Variants in RNF123 observed in about 807,000 individuals in gnomAD.
The protein encoded by RNF123 is ring finger protein 123.
Under a neutral mutation model 168.5 loss-of-function variants are expected in RNF123, and 86 were observed. The ratio of observed to expected loss-of-function variants is 0.51; its 90% CI spans 0.43 to 0.61. The LOEUF (loss-of-function observed/expected upper bound fraction) is 0.61, where lower values mean the gene tolerates loss of function less well. RNF123 is among the 20% of genes least tolerant of loss of function. The probability of loss-of-function intolerance (pLI) is 0.00; values close to 1 mark genes in which losing one functional copy is unlikely to be tolerated. For missense variants in RNF123, 1,419 were observed against 1,729.7 expected (o/e 0.82, Z 3.19); for synonymous variants, 666 against 689.1 (o/e 0.97, Z 0.52).
intron 12 of RNF123, 86 bp from the exon 13 acceptor site, chr3:49,700,141 G>C: frequency 6.4e-7 from 1 of 1,573,246 alleles, no homozygotes. Flanking sequence ...TGTGCCTGAG[G>C]CTTGTGCCTT....
intron 35 of RNF123, chr3:49,719,286 A>T: frequency 2.5e-6 from 4 of 1,613,234 alleles, no homozygotes; most frequent in Non-Finnish European, 3.4e-6. Context: ...CAGTAGCGGC[A>T]GGTAACTCGG....
intron 8 of RNF123, 22 bp from the exon 9 acceptor site, chr3:49,698,733 G>A: frequency 6.2e-7 from 1 of 1,611,852 alleles, no homozygotes; most frequent in South Asian, 1.1e-5. Flanking sequence ...TGTGCATCTG[G>A]TGAGGCCTCC....
In RNF123 at chr3:49,698,337, G is replaced by C. The variant is rs1232044761; in HGVS notation, c.484-103G>C. 3.8e-6 allele frequency: 4 copies of C among 1,055,774 alleles called. No homozygotes were observed. In the East Asian group the frequency reaches 7.1e-5, roughly 19 times the overall value. 65.4% of individuals were successfully genotyped at this position (1,055,774 alleles called of 1,614,324 possible). A position where few individuals can be genotyped will look rare whatever the true frequency, so the allele number is the denominator to read the frequency against. On this transcript the variant is annotated intron_variant, in intron 7 of 38. Coordinates refer to ENST00000327697, the MANE Select transcript of RNF123 (RefSeq NM_022064.5). ...TCTTACTCTTTCCCTCAGATCATCT[G>C]TTCCCTTCTGTAGAGCCATATGCAT...
At chr3:49,709,023 A>C (rs1359529165) in intron 26 of RNF123, among the ~76,000 whole-genome samples, 2 of 152,094 alleles carry the variant, frequency 1.3e-5, no homozygotes, top group East Asian at 1.9e-4. Flanking sequence ...GCTGGAGTGC[A>C]ATGGTGCGAT....
intron 26 of RNF123, among the ~76,000 whole-genome samples, chr3:49,709,589 C>G (rs539434473): frequency 6.6e-6 from 1 of 152,092 alleles, no homozygotes; most frequent in Non-Finnish European, 1.5e-5. Context: ...CGTGAGCCAC[C>G]GCGCCTGGCC....
chr3:49,719,041 TTGAACAGAAGCAGCTTCTCCAG>T, intron 35 of RNF123: 1 of 1,613,860 alleles, frequency 6.2e-7, no homozygotes, highest in Non-Finnish European at 8.5e-7. Flanking sequence ...CAAGCGGTTA[TTGAACAGAAGCAGCTTCTCCAG>T]CGCCCCCAGC....
At chr3:49,713,863 G>GCACCATGCCCAGCCT in intron 29 of RNF123, 38 bp downstream of exon 29, 2 of 1,613,138 alleles carry the variant, frequency 1.2e-6, no homozygotes, top group South Asian at 2.2e-5. Context: ...CTGGCCACAA[G>GCACCATGCCCAGCCT]CACCATGCCC....
At chr3:49,702,442 G>A (rs183025105) in intron 19 of RNF123, 37 bp downstream of exon 19, 38 of 1,609,504 alleles carry the variant, frequency 2.4e-5, no homozygotes, top group East Asian at 4.5e-5. Context: ...GTGGATCCCC[G>A]GCTGCACTAC....
At chr3:49,710,349 GGC>G (rs1405005627) in intron 26 of RNF123, among the ~76,000 whole-genome samples, 1 of 152,052 alleles carries the variant, frequency 6.6e-6, no homozygotes, top group Non-Finnish European at 1.5e-5. Context: ...GCAAGATTTT[GGC>G]TCACTGCAAC....
chr3:49,696,349 C>CTT (rs751323081), intron 3 of RNF123, among the ~76,000 whole-genome samples: 5 of 138,064 alleles, frequency 3.6e-5, no homozygotes, highest in Non-Finnish European at 3.2e-5. Flanking sequence ...GAGAGGGCTA[C>CTT]TTTTTTTTTT....
Position 49,714,073 on chromosome 3 carries a change from G to A in RNF123, c.2926-17G>A. The A allele has an allele frequency of 6.2e-7, 1 of 1,613,992 alleles. No homozygotes were observed. The highest frequency in any genetic ancestry group is 8.5e-7 in the Non-Finnish European group (1 of 1,179,986). ...GCGCTGTCCCATTGACCTGGGCACT[G>A]ACCCCCACCTCCACAGGGCTGTGGC... On this transcript the variant is annotated splice_polypyrimidine_tract_variant and intron_variant, in intron 30 of 38. Coordinates refer to ENST00000327697, the MANE Select transcript of RNF123 (RefSeq NM_022064.5).
intron 31 of RNF123, 164 bp from the exon 32 acceptor site, chr3:49,715,411 C>G (rs912981218): frequency 4.9e-6 from 4 of 819,742 alleles, no homozygotes; most frequent in African/African-American, 3.4e-5. Flanking sequence ...TCCCAACTAA[C>G]TCCAAGGCAG....
In RNF123 at chr3:49,704,613, AC is replaced by A. The variant is rs763344653; in HGVS notation, c.1853-35del. On this transcript the variant is annotated intron_variant, in intron 21 of 38. Coordinates refer to ENST00000327697, the MANE Select transcript of RNF123 (RefSeq NM_022064.5). ...CACTTCCACTGTGGCCCCTTGCGCC[AC>A]CACTGGCCTGAGAACCCTCCTGCTC... 9 of 1,563,778 alleles carry A rather than the reference AC, an allele frequency of 5.8e-6. No homozygotes were observed. In the African/African-American group the frequency reaches 1.2e-4, roughly 21 times the overall value.
Position 49,704,654 on chromosome 3 carries a change from C to T in RNF123, c.1857C>T (p.Asp619=), listed in dbSNP as rs1427999230. 2.5e-6 allele frequency: 4 copies of T among 1,609,088 alleles called. No homozygotes were observed. The African/African-American group carries it at 5.3e-5, about 21-fold the overall frequency. The stretch of plus-strand genomic sequence containing the variant: ...CCCTCCTGCTCTTCCTCCCAGATGA[C>T]CTTGCTTCCAAAGCCAACATTGTGA... The part of the protein sequence containing the change: ...LSHLRKTLKD[D]LASKANIVID... The change falls in exon 22 of 39, where the codon GAC becomes GAT. Residue 619 remains aspartate (D), a synonymous_variant. Coordinates refer to ENST00000327697, the MANE Select transcript of RNF123 (RefSeq NM_022064.5).
At chr3:49,715,466 GC>G in intron 31 of RNF123, 108 bp from the exon 32 acceptor site, 2 of 1,332,790 alleles carry the variant, frequency 1.5e-6, no homozygotes, top group African/African-American at 2.9e-5. Flanking sequence ...TTCCTAGGGA[GC>G]CATCTTTCTG....
Position 49,695,498 on chromosome 3 carries a change from C to T in RNF123, c.168-1645C>T, listed in dbSNP as rs998041644. Reference sequence around the variant, plus strand: ...CTTCTATGCTACTAGCTGAGCACCCCGACTGCATAGCCACCACCTGGCCTT... The same window carrying T: ...CTTCTATGCTACTAGCTGAGCACCCTGACTGCATAGCCACCACCTGGCCTT... On this transcript the variant is annotated intron_variant, in intron 3 of 38. Coordinates refer to ENST00000327697, the MANE Select transcript of RNF123 (RefSeq NM_022064.5). Among the ~76,000 whole-genome samples, 8 of 152,324 alleles carry T rather than the reference C, an allele frequency of 5.3e-5. No individual in the cohort carries two copies. In the South Asian group the frequency reaches 1.0e-3, roughly 20 times the overall value.
chr3:49,696,869 C>T (rs1187596616), intron 3 of RNF123, among the ~76,000 whole-genome samples: 2 of 151,588 alleles, frequency 1.3e-5, no homozygotes, highest in Non-Finnish European at 2.9e-5. Context: ...TGGTCTCGAA[C>T]TCCTGACCTC....
chr3:49,702,802 G>C, intron 20 of RNF123, 49 bp downstream of exon 20: 1 of 1,612,312 alleles, frequency 6.2e-7, no homozygotes, highest in Non-Finnish European at 8.5e-7. Context: ...AGAGCCAGGC[G>C]TAGGGCAGCC....
At chr3:49,704,576 C>T in intron 21 of RNF123, 74 bp from the exon 22 acceptor site, 1 of 1,303,898 alleles carries the variant, frequency 7.7e-7, no homozygotes, top group East Asian at 2.4e-5. Flanking sequence ...TGGGCTCTCT[C>T]ACCGTCCTGG....
Sources: allele counts gnomAD v4.1 joint callset (sites outside exome capture counted in the v4.1 genomes callset), GRCh38; gene constraint gnomAD v4.1.1; transcripts MANE v1.5; gene names NCBI Gene and HGNC (gene_info 2026-07-23, HGNC 2026-07-21).